Variants in P4HTM observed in about 807,000 individuals in gnomAD.
The protein encoded by P4HTM is prolyl 4-hydroxylase, transmembrane, also known as transmembrane prolyl 4-hydroxylase.
In P4HTM, 33 loss-of-function variants were observed where a neutral mutation model predicts 55.3. The observed-to-expected ratio is 0.60, with a 90% CI of 0.45 to 0.80. The LOEUF (loss-of-function observed/expected upper bound fraction) is 0.80, where lower values mean the gene tolerates loss of function less well. P4HTM is among the 30% of genes least tolerant of loss of function. P4HTM has a pLI of 0.00. For missense variants in P4HTM, 542 were observed against 696.5 expected, an observed-to-expected ratio of 0.78 and a Z score of 2.50; for synonymous variants, 272 against 286.4, an observed-to-expected ratio of 0.95 and a Z score of 0.51.
intron 2 of P4HTM, among the ~76,000 whole-genome samples, chr3:48,993,968 T>G: frequency 6.6e-6 from 1 of 151,942 alleles, no homozygotes; most frequent in East Asian, 1.9e-4. Flanking sequence ...CTGGTTCTGG[T>G]TAAGCCATCA....
chr3:49,001,453 T>C lies in P4HTM; in HGVS notation c.452T>C (p.Leu151Pro). The C allele has an allele frequency of 6.2e-7, 1 of 1,613,930 alleles. No homozygotes were observed. Among genetic ancestry groups the C allele is most frequent in the South Asian group, 1.1e-5 (1 of 91,086 alleles). Residue 151 changes from leucine to proline, a missense_variant, in exon 3 of 9, where the codon CTG (leucine) becomes CCG (proline). By Grantham distance (98) the Leu-to-Pro change is moderately conservative (BLOSUM62 -3). Transcript: ENST00000383729. ...KPLLFEIPGF[L>P]TDEECRLIIH... is the part of the protein sequence containing the mutation. The stretch of plus-strand genomic sequence containing the variant: ...CTTCTGGCAGAAATCCCCGGCTTCC[T>C]GACTGATGAAGAGTGTCGGCTCATC...
Position 49,002,911 on chromosome 3 carries a change from G to A in P4HTM, c.724+315G>A. 2.3e-6 allele frequency: 1 copy of A among 429,542 alleles called. No individual in the cohort carries two copies. The highest frequency in any genetic ancestry group is 2.0e-5 in the South Asian group (1 of 49,140). 26.6% of individuals were successfully genotyped at this position (429,542 alleles called of 1,614,324 possible). ...TAGTTGGCAGAGAACAGAGTGGGTG[G>A]AGCAGGAGCAAGGCGACAGTGAGGC... On this transcript the variant is annotated intron_variant, in intron 4 of 8. Coordinates refer to ENST00000383729, the MANE Select transcript of P4HTM (RefSeq NM_177939.3). This position sits in a 1 kb window ranked among gnomAD's most constrained non-coding sequence, Gnocchi z 4.4.
intron 2 of P4HTM, 95 bp from the exon 3 acceptor site, chr3:49,001,343 C>A: frequency 9.0e-7 from 1 of 1,114,622 alleles, no homozygotes; most frequent in Non-Finnish European, 1.4e-6. Flanking sequence ...CACTGAGGGA[C>A]ATGCAGTACC....
At chr3:48,994,593 A>G (rs1680372895) in intron 2 of P4HTM, among the ~76,000 whole-genome samples, 1 of 152,054 alleles carries the variant, frequency 6.6e-6, no homozygotes, top group African/African-American at 2.4e-5. Flanking sequence ...CTTGGTAGGG[A>G]AATAAAGGAT....
chr3:49,003,584 A>C (rs1244315430), intron 4 of P4HTM: 1 of 154,278 alleles, frequency 6.5e-6, no homozygotes, highest in Non-Finnish European at 1.4e-5. Context: ...GTAACGCAGT[A>C]GGCAGGGCTG....
intron 2 of P4HTM, among the ~76,000 whole-genome samples, chr3:48,996,782 C>A: frequency 6.6e-6 from 1 of 152,174 alleles, no homozygotes; most frequent in Non-Finnish European, 1.5e-5. Flanking sequence ...ATAATTAAGT[C>A]TGTCCGGGGT....
In P4HTM at chr3:48,999,146, T is replaced by A. The variant is rs1027723230; in HGVS notation, c.437-2292T>A. 19 of 152,182 alleles carry A rather than the reference T, an allele frequency of 1.2e-4. No individual in the cohort carries two copies. Among genetic ancestry groups the A allele is most frequent in the Admixed American group, 1.2e-3 (18 of 15,286 alleles). 9.4% of individuals were successfully genotyped at this position (152,182 alleles called of 1,614,324 possible). On this transcript the variant is annotated intron_variant, in intron 2 of 8. Transcript: ENST00000383729. The surrounding 1 kb of genome is among the most constrained non-coding windows in gnomAD (Gnocchi z 4.8). ...TGTGCCTGTCAGCGCCCAGCCCTGA[T>A]AGGTGCTCAGGTGCTCAGCAAGGAT...
Position 49,002,359 on chromosome 3 carries a change from T to A in P4HTM, c.628-141T>A. 1.5e-6 allele frequency: 1 copy of A among 686,700 alleles called. No individual in the cohort carries two copies. The highest frequency in any genetic ancestry group is 2.6e-6 in the Non-Finnish European group (1 of 386,162). 42.5% of individuals were successfully genotyped at this position (686,700 alleles called of 1,614,324 possible). A position where few individuals can be genotyped will look rare whatever the true frequency, so the allele number is the denominator to read the frequency against. On this transcript the variant is annotated intron_variant, in intron 3 of 8. Transcript: ENST00000383729. The surrounding 1 kb of genome is among the most constrained non-coding windows in gnomAD (Gnocchi z 4.4). The stretch of plus-strand genomic sequence containing the variant: ...TCTGTACCTTTCTACCTGCACTCAC[T>A]TTGGCCCAATGGGCTCTGCCCTGTG...
chr3:49,002,449 C>T lies in P4HTM; in HGVS notation c.628-51C>T, dbSNP rs1289493939. ...CAAGCACTGGGCCATCTGTTCTCTG[C>T]TGGCTCTCCATCACTGGGGTCACCC... is the stretch of plus-strand genomic sequence containing the variant. On this transcript the variant is annotated intron_variant, in intron 3 of 8. Coordinates refer to ENST00000383729, the MANE Select transcript of P4HTM (RefSeq NM_177939.3). The surrounding 1 kb of genome is among the most constrained non-coding windows in gnomAD (Gnocchi z 4.4). The T allele has an allele frequency of 7.6e-7, 1 of 1,312,846 alleles. No individual in the cohort carries two copies. Among genetic ancestry groups the T allele is most frequent in the East Asian group, 2.3e-5 (1 of 43,490 alleles). The allele number at this position is 1,312,846 out of a possible 1,614,324, so 81.3% of individuals were successfully genotyped here.
chr3:49,005,978 C>T (rs2106672441), intron 7 of P4HTM, 86 bp from the exon 8 acceptor site: 1 of 1,557,104 alleles, frequency 6.4e-7, no homozygotes, highest in Non-Finnish European at 8.7e-7. Context: ...TTGGGCATAT[C>T]TGGTTGGTTT....
At chr3:48,998,571 G>A (rs888591550) in intron 2 of P4HTM, among the ~76,000 whole-genome samples, 2 of 152,148 alleles carry the variant, frequency 1.3e-5, no homozygotes, top group Admixed American at 6.5e-5. Flanking sequence ...TCCCACTCAG[G>A]TGCCTTGCCA....
In P4HTM at chr3:49,006,162, G is replaced by A. The variant is rs770179774; in HGVS notation, c.1263G>A (p.Trp421Ter). The change falls in exon 8 of 9, where the codon TGG (tryptophan) becomes TGA (stop). Residue 421 changes from tryptophan to a stop codon, truncating the protein, a stop_gained. Transcript: ENST00000383729. LOFTEE classifies it high-confidence loss of function. ...VKPQQGTAVF[W>*]YNYLPDGQGW... ...CCCAACAGGGCACAGCAGTCTTCTG[G>A]TACAACTACCTGCCTGATGGGCAAG... 1.2e-6 allele frequency: 2 copies of A among 1,612,660 alleles called. No homozygotes were observed. Among genetic ancestry groups the A allele is most frequent in the East Asian group, 2.2e-5 (1 of 44,872 alleles).
At chr3:48,991,012 C>A (rs2092929788) in intron 2 of P4HTM, 98 bp downstream of exon 2, 4 of 892,750 alleles carry the variant, frequency 4.5e-6, no homozygotes, top group African/African-American at 1.7e-5. Context: ...TTGAAAATGG[C>A]TGCTTCAGAG....
At chr3:48,994,280 T>C (rs536693088) in intron 2 of P4HTM, among the ~76,000 whole-genome samples, 4 of 152,316 alleles carry the variant, frequency 2.6e-5, no homozygotes, top group East Asian at 3.9e-4. Context: ...CATGCTGTTC[T>C]TGGATCTAAA....
In P4HTM at chr3:49,002,642, C is replaced by T. The variant is rs771466026; in HGVS notation, c.724+46C>T. Reference sequence around the variant, plus strand: ...AGTCCTATCCCCGTGAGCCTCCTGCCCACTCCCAGGTGCACAATTTTGAAA... The same window carrying T: ...AGTCCTATCCCCGTGAGCCTCCTGCTCACTCCCAGGTGCACAATTTTGAAA... On this transcript the variant is annotated intron_variant, in intron 4 of 8. Transcript: ENST00000383729. This position sits in a 1 kb window ranked among gnomAD's most constrained non-coding sequence, Gnocchi z 4.4. The T allele has an allele frequency of 6.9e-7, 1 of 1,442,630 alleles. No homozygotes were observed. The highest frequency in any genetic ancestry group is 1.4e-5 in the African/African-American group (1 of 71,718). The allele number at this position is 1,442,630 out of a possible 1,614,324, so 89.4% of individuals were successfully genotyped here.
upstream of P4HTM, chr3:48,990,238 C>T: frequency 8.5e-7 from 1 of 1,182,190 alleles, no homozygotes; most frequent in Non-Finnish European, 1.0e-6. The surrounding 1 kb of genome is among the most constrained non-coding windows in gnomAD (Gnocchi z 7.2). Flanking sequence ...CCCCTGGGCG[C>T]GCGCGCGACC....
Position 48,999,174 on chromosome 3 carries a change from C to A in P4HTM, c.437-2264C>A, listed in dbSNP as rs1207655257. 1 of 152,240 alleles carries A rather than the reference C, an allele frequency of 6.6e-6. No homozygotes were observed. Among genetic ancestry groups the A allele is most frequent in the Non-Finnish European group, 1.5e-5 (1 of 68,078 alleles). The allele number at this position is 152,240 out of a possible 1,614,324, so 9.4% of individuals were successfully genotyped here. On this transcript the variant is annotated intron_variant, in intron 2 of 8. Coordinates refer to ENST00000383729, the MANE Select transcript of P4HTM (RefSeq NM_177939.3). The surrounding 1 kb of genome is among the most constrained non-coding windows in gnomAD (Gnocchi z 4.8). Reference sequence around the variant, plus strand: ...GTGCTCAGGTGCTCAGCAAGGATTACTGAAGACCTGAGCCACCAGAGCAGG... The same window carrying A: ...GTGCTCAGGTGCTCAGCAAGGATTAATGAAGACCTGAGCCACCAGAGCAGG...
rs928705541 is a variant in P4HTM at position 49,005,471 on chromosome 3, C to G, written c.1074-306C>G. On this transcript the variant is annotated intron_variant, in intron 6 of 8. Coordinates refer to ENST00000383729, the MANE Select transcript of P4HTM (RefSeq NM_177939.3). ...CCAGCCCCTTCCCATCCCCAAGGAG[C>G]CCTTCAGCGCGCCCTGTTGCTTCTG... is the stretch of plus-strand genomic sequence containing the variant. 7 of 1,359,078 alleles carry G rather than the reference C, an allele frequency of 5.2e-6. No individual in the cohort carries two copies. The African/African-American group carries it at 7.4e-5, about 14-fold the overall frequency. 84.2% of individuals were successfully genotyped at this position (1,359,078 alleles called of 1,614,324 possible). A position where few individuals can be genotyped will look rare whatever the true frequency, so the allele number is the denominator to read the frequency against.
At position 48,990,986 on chromosome 3, in the gene P4HTM, C is replaced by A; in HGVS notation, c.436+72C>A. ...GTGGCCACCTTGAGGCTCGTTGTGA[C>A]CACGTGACCTCTATTTTGAAAATGG... On this transcript the variant is annotated intron_variant, in intron 2 of 8. Coordinates refer to ENST00000383729, the MANE Select transcript of P4HTM (RefSeq NM_177939.3). This position sits in a 1 kb window ranked among gnomAD's most constrained non-coding sequence, Gnocchi z 7.2. The A allele has an allele frequency of 8.9e-7, 1 of 1,124,804 alleles. No homozygotes were observed. The highest frequency in any genetic ancestry group is 1.3e-6 in the Non-Finnish European group (1 of 751,506). The allele number at this position is 1,124,804 out of a possible 1,614,324, so 69.7% of individuals were successfully genotyped here. A position where few individuals can be genotyped will look rare whatever the true frequency, so the allele number is the denominator to read the frequency against.
Sources: allele counts gnomAD v4.1 joint callset (sites outside exome capture counted in the v4.1 genomes callset), GRCh38; gene constraint gnomAD v4.1.1; non-coding constraint Gnocchi (gnomAD v3.1); transcripts MANE v1.5; gene names NCBI Gene and HGNC (gene_info 2026-07-23, HGNC 2026-07-21).